The following MAGEC3 variants were observed in gnomAD, a reference collection of about 807,000 sequenced individuals.
MAGEC3 encodes melanoma-associated antigen C3.
Under a neutral mutation model 35.3 loss-of-function variants are expected in MAGEC3, and 34 were observed. The ratio of observed to expected loss-of-function variants is 0.96; its 90% CI spans 0.73 to 1.28. The LOEUF (loss-of-function observed/expected upper bound fraction) is 1.28. Among genes scored for constraint, MAGEC3 ranks in the 50% most tolerant of loss-of-function variants. MAGEC3 has a pLI of 0.00. For synonymous variants in MAGEC3, 202 were observed against 185.6 expected (o/e 1.09, Z -0.72); for missense variants, 561 against 483.6 (o/e 1.16, Z -1.50).
At chrX:141,885,663 CA>C (rs35973319) in intron 4 of MAGEC3, among the ~76,000 whole-genome samples, 463 of 40,965 alleles carry the variant, frequency 0.011, 5 homozygotes, top group Middle Eastern at 0.057. Flanking sequence ...GACTTCGTCT[CA>C]AAAAAAAAAA....
intron 2 of MAGEC3, among the ~76,000 whole-genome samples, chrX:141,872,716 G>T (rs566050221): frequency 1.8e-5 from 2 of 111,794 alleles, no homozygotes; most frequent in Non-Finnish European, 3.8e-5. Context: ...GAAGAAGGAA[G>T]AGGGAGCAAG....
At chrX:141,861,287 A>G (rs932955918) in intron 1 of MAGEC3, among the ~76,000 whole-genome samples, 3 of 111,622 alleles carry the variant, frequency 2.7e-5, no homozygotes, top group Admixed American at 9.5e-5. Context: ...ATTGCAAAGG[A>G]CACAAAGAAA....
chrX:141,855,259 T>C (rs2017773182), intron 1 of MAGEC3, among the ~76,000 whole-genome samples: 1 of 111,001 alleles, frequency 9.0e-6, no homozygotes, highest in African/African-American at 3.3e-5. Flanking sequence ...TCTACTGCTG[T>C]GCTCTATGCA....
intron 4 of MAGEC3, among the ~76,000 whole-genome samples, chrX:141,891,613 T>A (rs2124125587): frequency 9.3e-6 from 1 of 107,806 alleles, no homozygotes; most frequent in Admixed American, 1.0e-4. Flanking sequence ...GGTGTGTAAA[T>A]TTTAAAAGCT....
intron 1 of MAGEC3, 28 bp from the exon 2 acceptor site, chrX:141,865,443 T>A (rs771431026): frequency 7.5e-6 from 9 of 1,196,235 alleles, no homozygotes; most frequent in Non-Finnish European, 9.0e-6. Context: ...CCCAGCCTAG[T>A]CCTGCCCCTG....
chrX:141,852,233 T>A (rs1477177797), intron 1 of MAGEC3, among the ~76,000 whole-genome samples: 2 of 110,371 alleles, frequency 1.8e-5, no homozygotes, highest in African/African-American at 6.6e-5. Flanking sequence ...CATTTTCAAG[T>A]TTTTTACTAG....
At chrX:141,896,507 T>C in intron 6 of MAGEC3, 1 of 1,187,477 alleles carries the variant, frequency 8.4e-7, no homozygotes, top group Non-Finnish European at 1.1e-6. Context: ...GAAGAAGAGC[T>C]GTAAGCCAGC....
At chrX:141,859,044 C>A (rs1326847239) in intron 1 of MAGEC3, among the ~76,000 whole-genome samples, 1 of 105,356 alleles carries the variant, frequency 9.5e-6, no homozygotes, top group Non-Finnish European at 2.0e-5. Flanking sequence ...ATATGACTAA[C>A]CCCAAATGAA....
At chrX:141,856,916 C>T (rs145552567) in intron 1 of MAGEC3, among the ~76,000 whole-genome samples, 118 of 111,766 alleles carry the variant, frequency 1.1e-3, no homozygotes, top group African/African-American at 3.7e-3. Context: ...CAAGTAATTG[C>T]AAATGCAAAC....
At chrX:141,891,686 A>AAT (rs754163261) in intron 4 of MAGEC3, among the ~76,000 whole-genome samples, 35 of 103,898 alleles carry the variant, frequency 3.4e-4, no homozygotes, top group African/African-American at 1.1e-3. Flanking sequence ...TGCATATATA[A>AAT]ATATATATAT....
At chrX:141,862,465 C>T (rs2017821306) in intron 1 of MAGEC3, among the ~76,000 whole-genome samples, 1 of 112,147 alleles carries the variant, frequency 8.9e-6, no homozygotes, top group African/African-American at 3.2e-5. Flanking sequence ...ATCAATATAT[C>T]AAAGGAATAC....
intron 2 of MAGEC3, among the ~76,000 whole-genome samples, chrX:141,875,886 A>G (rs2017917202): frequency 9.0e-6 from 1 of 111,543 alleles, no homozygotes; most frequent in Non-Finnish European, 1.9e-5. Context: ...AATCCTGGCT[A>G]TGAGCAGAGT....
chrX:141,839,785 C>T (rs2017675374), intron 1 of MAGEC3: 2 of 658,566 alleles, frequency 3.0e-6, no homozygotes, highest in Non-Finnish European at 3.6e-6. Context: ...GAGATTTTGC[C>T]ACTTAGGGGA....
chrX:141,884,857 T>A (rs1476877272), intron 4 of MAGEC3, among the ~76,000 whole-genome samples: 1 of 111,615 alleles, frequency 9.0e-6, no homozygotes, highest in Non-Finnish European at 1.9e-5. Context: ...GACAAAGGGA[T>A]GAAAGAAAAT....
chrX:141,879,618 T>G (rs746774169), intron 3 of MAGEC3, among the ~76,000 whole-genome samples, 187 bp downstream of exon 3: 6 of 106,747 alleles, frequency 5.6e-5, no homozygotes, highest in African/African-American at 1.7e-4. Context: ...GGGAAAGAGG[T>G]AGAGAGGTGA....
At chrX:141,874,552 C>G (rs2017908261) in intron 2 of MAGEC3, among the ~76,000 whole-genome samples, 1 of 111,436 alleles carries the variant, frequency 9.0e-6, no homozygotes, top group African/African-American at 3.3e-5. Flanking sequence ...TAGATACACA[C>G]TACACCAAAG....
At chrX:141,844,098 T>C (rs768562863) in intron 1 of MAGEC3, among the ~76,000 whole-genome samples, 1 of 111,160 alleles carries the variant, frequency 9.0e-6, no homozygotes, top group Non-Finnish European at 1.9e-5. Flanking sequence ...CCGTCCGATA[T>C]CATGTTTTTG....
intron 1 of MAGEC3, among the ~76,000 whole-genome samples, chrX:141,844,811 A>G (rs1056896589): frequency 9.0e-6 from 1 of 111,346 alleles, no homozygotes; most frequent in African/African-American, 3.2e-5. Context: ...ACCAATGCCA[A>G]CATTACCAAA....
At chrX:141,842,938 T>C (rs187342394) in intron 1 of MAGEC3, among the ~76,000 whole-genome samples, 7 of 112,345 alleles carry the variant, frequency 6.2e-5, no homozygotes, top group African/African-American at 2.3e-4. Context: ...AAAGTCATTC[T>C]AACTTCACTT....
Sources: allele counts gnomAD v4.1 joint callset (sites outside exome capture counted in the v4.1 genomes callset), GRCh38; gene constraint gnomAD v4.1.1; transcripts MANE v1.5; gene names NCBI Gene and HGNC (gene_info 2026-07-23, HGNC 2026-07-21).